CCDC66: variants seen among roughly 807,000 people sequenced by gnomAD.
CCDC66 encodes coiled-coil domain containing 66, also known as coiled-coil domain-containing protein 66.
Under a neutral mutation model 128.3 loss-of-function variants are expected in CCDC66, and 133 were observed. The observed-to-expected ratio is 1.04, with a 90% CI of 0.90 to 1.20. The LOEUF (loss-of-function observed/expected upper bound fraction) is 1.20, where lower values mean the gene tolerates loss of function less well. Among genes scored for constraint, CCDC66 ranks in the 50% most tolerant of loss-of-function variants. The pLI, the probability that CCDC66 is intolerant of heterozygous loss-of-function variation, is 0.00. For missense variants in CCDC66, 1,126 were observed against 1,075.5 expected (o/e 1.05, Z -0.66); for synonymous variants, 387 against 357.0 (o/e 1.08, Z -0.95).
intron 6 of CCDC66, among the ~76,000 whole-genome samples, chr3:56,567,761 C>T (rs892691239): frequency 2.0e-5 from 3 of 151,190 alleles, no homozygotes; most frequent in African/African-American, 7.3e-5. Flanking sequence ...GGTGTGATCT[C>T]GGCTCACTGC....
chr3:56,571,331 A>T (rs1353580044), intron 7 of CCDC66, 29 bp downstream of exon 7: 1 of 1,419,838 alleles, frequency 7.0e-7, no homozygotes, highest in Non-Finnish European at 9.7e-7. Context: ...AATTTTTAAA[A>T]TACTAAGCAG....
At chr3:56,576,704 G>T (rs1377818873) in intron 7 of CCDC66, among the ~76,000 whole-genome samples, 1 of 151,456 alleles carries the variant, frequency 6.6e-6, no homozygotes, top group Non-Finnish European at 1.5e-5. Flanking sequence ...ATGGTTTCCA[G>T]CTTCATCCAT....
chr3:56,621,816 A>T lies in CCDC66; in HGVS notation c.*198A>T. On this transcript the variant is annotated 3_prime_UTR_variant, in exon 18 of 18. Transcript: ENST00000394672. ...GATACTTCTTTTGTAAAAGCTTAGT[A>T]GTAAAAAAAAAAAAAAAAAAACCGG... The T allele has an allele frequency of 1.7e-5, 3 of 175,612 alleles. No homozygotes were observed. Among genetic ancestry groups the T allele is most frequent in the East Asian group, 1.3e-4 (1 of 7,502 alleles). The allele number at this position is 175,612 out of a possible 1,614,324, so 10.9% of individuals were successfully genotyped here. A position where few individuals can be genotyped will look rare whatever the true frequency, so the allele number is the denominator to read the frequency against.
intron 7 of CCDC66, among the ~76,000 whole-genome samples, chr3:56,581,826 C>G (rs758370397): frequency 2.0e-5 from 3 of 151,840 alleles, no homozygotes; most frequent in Non-Finnish European, 4.4e-5. Context: ...TCGGCCCCTA[C>G]TGGGAGGTGT....
At chr3:56,599,661 G>A (rs577393602) in intron 10 of CCDC66, among the ~76,000 whole-genome samples, 1 of 151,834 alleles carries the variant, frequency 6.6e-6, no homozygotes, top group Non-Finnish European at 1.5e-5. Context: ...GAAGCATGTG[G>A]TTTAATTTCT....
intron 11 of CCDC66, 68 bp from the exon 12 acceptor site, chr3:56,615,060 A>C: frequency 6.6e-7 from 1 of 1,517,782 alleles, no homozygotes; most frequent in Non-Finnish European, 9.0e-7. Context: ...GAAAATGTTT[A>C]CTGAGAGGAA....
chr3:56,598,587 C>T (rs2072562350), intron 10 of CCDC66, among the ~76,000 whole-genome samples: 1 of 151,826 alleles, frequency 6.6e-6, no homozygotes, highest in Non-Finnish European at 1.5e-5. Flanking sequence ...AAGGTATATA[C>T]CTTCTGTGCC....
Position 56,619,379 on chromosome 3 carries a change from A to AG in CCDC66, c.2489dup (p.Ser831LysfsTer2), listed in dbSNP as rs1559787057. 1 of 1,614,042 alleles carries AG rather than the reference A, an allele frequency of 6.2e-7. No homozygotes were observed. Among genetic ancestry groups the AG allele is most frequent in the Non-Finnish European group, 8.5e-7 (1 of 1,179,926 alleles). The stretch of plus-strand genomic sequence containing the variant: ...GCTATGAGAGAGAGAATTTGATCTC[A>AG]GGAAGTAATCAAACAGAATTATCAT... On this transcript the variant is annotated frameshift_variant, in exon 16 of 18. Transcript: ENST00000394672. LOFTEE classifies it high-confidence loss of function.
At chr3:56,581,658 G>T (rs1182523241) in intron 7 of CCDC66, among the ~76,000 whole-genome samples, 1 of 151,876 alleles carries the variant, frequency 6.6e-6, no homozygotes, top group Non-Finnish European at 1.5e-5. Context: ...CTGCAGGTCT[G>T]TTGGAGTTTG....
chr3:56,563,266 CAGG>C (rs1450799300), intron 3 of CCDC66, among the ~76,000 whole-genome samples: 1 of 151,812 alleles, frequency 6.6e-6, no homozygotes, highest in African/African-American at 2.4e-5. Context: ...GTGGCTGAGG[CAGG>C]AGAATTGCTT....
intron 10 of CCDC66, among the ~76,000 whole-genome samples, chr3:56,598,678 G>T (rs1474848207): frequency 6.6e-6 from 1 of 151,982 alleles, no homozygotes; most frequent in African/African-American, 2.4e-5. Flanking sequence ...TGATCATATG[G>T]TTTTTGTCTT....
At chr3:56,567,819 A>G (rs1248826900) in intron 6 of CCDC66, among the ~76,000 whole-genome samples, 4 of 151,946 alleles carry the variant, frequency 2.6e-5, no homozygotes, top group African/African-American at 9.7e-5. Context: ...CCTCCCCAGT[A>G]GCTGGGACTA....
chr3:56,617,500 AAAT>A lies in CCDC66; in HGVS notation c.2236_2238del (p.Asn746del), dbSNP rs2075664054. 15 of 1,614,018 alleles carry A rather than the reference AAAT, an allele frequency of 9.3e-6. No individual in the cohort carries two copies. The highest frequency in any genetic ancestry group is 1.3e-5 in the Non-Finnish European group (15 of 1,179,990). The stretch of plus-strand genomic sequence containing the variant: ...TGGAATTGCTTCATTTGGTAGAAAA[AAAT>A]AATCCTGGGCACCTCTCTCAAAACA... On this transcript the variant is annotated inframe_deletion, in exon 14 of 18. Coordinates refer to ENST00000394672, the MANE Select transcript of CCDC66 (RefSeq NM_001141947.3).
At chr3:56,610,947 C>T (rs1406240031) in intron 10 of CCDC66, among the ~76,000 whole-genome samples, 4 of 152,130 alleles carry the variant, frequency 2.6e-5, no homozygotes, top group Non-Finnish European at 4.4e-5. Context: ...GCCGTGGATA[C>T]CAGTGCCTGT....
intron 7 of CCDC66, among the ~76,000 whole-genome samples, chr3:56,587,846 G>A (rs1178414524): frequency 6.6e-6 from 1 of 152,178 alleles, no homozygotes; most frequent in Non-Finnish European, 1.5e-5. Flanking sequence ...TCCAGCCTGT[G>A]TGACAGAGAC....
chr3:56,563,705 G>A lies in CCDC66; in HGVS notation c.124G>A (p.Ala42Thr). Residue 42 changes from alanine (A) to threonine (T), a missense_variant, in exon 4 of 18, where the codon GCA becomes ACA. Coordinates refer to ENST00000394672, the MANE Select transcript of CCDC66 (RefSeq NM_001141947.3). ...SVKMGNKAKI[A>T]KCPLRTKTGH... ...ACAGATGGGAAATAAGGCCAAGATT[G>A]CAAAATGTCCTTTAAGAACAAAAAC... is the stretch of plus-strand genomic sequence containing the variant. 6.5e-7 allele frequency: 1 copy of A among 1,549,696 alleles called. No homozygotes were observed. Among genetic ancestry groups the A allele is most frequent in the African/African-American group, 1.4e-5 (1 of 72,922 alleles).
chr3:56,586,723 G>C (rs1054671902), intron 7 of CCDC66, among the ~76,000 whole-genome samples: 18 of 151,632 alleles, frequency 1.2e-4, no homozygotes, highest in Admixed American at 3.3e-4. Flanking sequence ...ATGCTTAAAA[G>C]AGACATACTT....
chr3:56,566,933 T>G lies in CCDC66; in HGVS notation c.711-17T>G. ...ATGTATGATACAGTTTCTGTTATCT[T>G]TTGTGTTTTACCTTAGAGAGAATGA... On this transcript the variant is annotated splice_polypyrimidine_tract_variant and intron_variant, in intron 5 of 17. Coordinates refer to ENST00000394672, the MANE Select transcript of CCDC66 (RefSeq NM_001141947.3). 1.9e-6 allele frequency: 3 copies of G among 1,594,672 alleles called. No individual in the cohort carries two copies. Among genetic ancestry groups the G allele is most frequent in the Non-Finnish European group, 2.6e-6 (3 of 1,164,710 alleles).
At chr3:56,575,580 G>A (rs772181557) in intron 7 of CCDC66, among the ~76,000 whole-genome samples, 73 of 151,918 alleles carry the variant, frequency 4.8e-4, no homozygotes, top group Middle Eastern at 3.4e-3. Flanking sequence ...ATGCACAAAA[G>A]TCTTTAATTT....
Sources: allele counts gnomAD v4.1 joint callset (sites outside exome capture counted in the v4.1 genomes callset), GRCh38; gene constraint gnomAD v4.1.1; transcripts MANE v1.5; gene names NCBI Gene and HGNC (gene_info 2026-07-23, HGNC 2026-07-21).